The following HOXD11 variants were observed in gnomAD, a reference collection of about 807,000 sequenced individuals.
HOXD11 encodes homeobox protein Hox-D11.
A neutral mutation model predicts 23.1 loss-of-function variants in HOXD11; 16 were observed. The observed-to-expected ratio is 0.69, with a 90% CI of 0.47 to 1.05. The LOEUF is 1.05. Ranked by LOEUF, HOXD11 falls within the 50% of genes least tolerant of loss-of-function variation. The pLI is 0.00. For missense variants in HOXD11, 564 were observed against 495.6 expected (o/e 1.14, Z -1.31); for synonymous variants, 262 against 224.4 (o/e 1.17, Z -1.50).
At position 176,107,691 on chromosome 2, in the gene HOXD11, G is replaced by GGCGGCT. The variant is rs35035619; in HGVS notation, c.342_347dup (p.Ala119_Ala120dup). Reference sequence around the variant, plus strand: ...CTCCCTACTACGCGGCGGCGGCGGCGGCGGCTGCGGCGGCCGCGGCGGCCG... The same window carrying GGCGGCT: ...CTCCCTACTACGCGGCGGCGGCGGCGGCGGCTGCGGCTGCGGCGGCCGCGGCGGCCG... On this transcript the variant is annotated inframe_insertion, in exon 1 of 2. Transcript: ENST00000249504. 6.0e-6 allele frequency: 6 copies of GGCGGCT among 1,003,402 alleles called. No homozygotes were observed. Among genetic ancestry groups the GGCGGCT allele is most frequent in the Non-Finnish European group, 7.1e-6 (6 of 844,792 alleles). The allele number at this position is 1,003,402 out of a possible 1,614,324, so 62.2% of individuals were successfully genotyped here.
downstream of HOXD11, among the ~76,000 whole-genome samples, chr2:176,113,607 C>A (rs1689706029): frequency 6.6e-6 from 1 of 152,304 alleles, no homozygotes; most frequent in South Asian, 2.1e-4. Context: ...GAGTCTTAGG[C>A]ACACTTTCCA....
At position 176,107,581 on chromosome 2, in the gene HOXD11, C is replaced by A; in HGVS notation, c.226C>A (p.Arg76Ser). 1 of 1,401,058 alleles carries A rather than the reference C, an allele frequency of 7.1e-7. No individual in the cohort carries two copies. The highest frequency in any genetic ancestry group is 9.5e-7 in the Non-Finnish European group (1 of 1,053,578). The allele number at this position is 1,401,058 out of a possible 1,614,324, so 86.8% of individuals were successfully genotyped here. Residue 76 changes from arginine to serine, a missense_variant, in exon 1 of 2, where the codon CGC becomes AGC. Physicochemically the swap from Arg to Ser is moderately radical, Grantham distance 110. Transcript: ENST00000249504. ...CCTGGAGCGCGCCAAGTGGCCGTAC[C>A]GCGGCGGCGGCGGCGGCGGCAGCGC... is the stretch of plus-strand genomic sequence containing the variant. Reference protein sequence around the residue: ...YGLERAKWPYRGGGGGGSAGG... With the variant: ...YGLERAKWPYSGGGGGGSAGG...
chr2:176,110,604 T>C (rs553154783), downstream of HOXD11, among the ~76,000 whole-genome samples: 1 of 152,396 alleles, frequency 6.6e-6, no homozygotes, highest in Admixed American at 6.5e-5. Context: ...CATAAATGTA[T>C]GCCTTTGAAC....
chr2:176,114,196 G>A (rs1436743297), downstream of HOXD11, among the ~76,000 whole-genome samples: 4 of 152,250 alleles, frequency 2.6e-5, no homozygotes, highest in Non-Finnish European at 5.9e-5. Flanking sequence ...ACTTCATTCA[G>A]CTTTGGGCAC....
At chr2:176,113,720 G>A (rs1217188176), downstream of HOXD11, among the ~76,000 whole-genome samples, 2 of 152,100 alleles carry the variant, frequency 1.3e-5, no homozygotes, top group Non-Finnish European at 2.9e-5. Context: ...TCAAGGAGCG[G>A]GTCTGAAAGC....
At chr2:176,109,995 C>T (rs1689652711), downstream of HOXD11, among the ~76,000 whole-genome samples, 2 of 152,080 alleles carry the variant, frequency 1.3e-5, no homozygotes, top group Non-Finnish European at 2.9e-5. Flanking sequence ...GTTAGAAAAT[C>T]CAAATGATCT....
In HOXD11 at chr2:176,109,217, A is replaced by G. The variant is rs1241613806; in HGVS notation, c.*75A>G. ...CCACCAGCCTGCTCTCCGCAGGCCC[A>G]CTGTCCTTGGGTTTAATGACGTCTC... On this transcript the variant is annotated 3_prime_UTR_variant, in exon 2 of 2. Transcript: ENST00000249504. The G allele has an allele frequency of 7.9e-6, 7 of 886,734 alleles. No individual in the cohort carries two copies. The highest frequency in any genetic ancestry group is 1.9e-5 in the Admixed American group (1 of 53,098). The allele number at this position is 886,734 out of a possible 1,614,324, so 54.9% of individuals were successfully genotyped here.
downstream of HOXD11, among the ~76,000 whole-genome samples, chr2:176,111,812 C>A: frequency 1.0e-5 from 1 of 98,720 alleles, no homozygotes; most frequent in Non-Finnish European, 2.1e-5. Flanking sequence ...TACTTAACAT[C>A]CCCCTCCCCC....
At position 176,108,074 on chromosome 2, in the gene HOXD11, G is replaced by A; in HGVS notation, c.719G>A (p.Gly240Asp). The A allele has an allele frequency of 1.4e-6, 2 of 1,478,836 alleles. No individual in the cohort carries two copies. The highest frequency in any genetic ancestry group is 1.5e-5 in the African/African-American group (1 of 68,336). The allele number at this position is 1,478,836 out of a possible 1,614,324, so 91.6% of individuals were successfully genotyped here. The change falls in exon 1 of 2, where the codon GGC becomes GAC. Residue 240 changes from glycine to aspartate, a missense_variant. Coordinates refer to ENST00000249504, the MANE Select transcript of HOXD11 (RefSeq NM_021192.3). ...TCGGAGCCCAAGGGGGCAGCAGAAGGCAGCGGTGGCGACGGCGAGGGCCCC... is the reference window on the plus strand; with the variant it reads ...TCGGAGCCCAAGGGGGCAGCAGAAGACAGCGGTGGCGACGGCGAGGGCCCC... The part of the protein sequence containing the change: ...PGSEPKGAAE[G>D]SGGDGEGPPG...
chr2:176,111,472 T>C (rs551524717), downstream of HOXD11: 6 of 151,952 alleles, frequency 3.9e-5, no homozygotes, highest in South Asian at 1.2e-3. Flanking sequence ...CAACACTGGA[T>C]TCTAATAGGC....
At chr2:176,109,944 C>T (rs1270802932), downstream of HOXD11, among the ~76,000 whole-genome samples, 1 of 152,116 alleles carries the variant, frequency 6.6e-6, no homozygotes, top group African/African-American at 2.4e-5. Flanking sequence ...GTCTAGTGAA[C>T]TTGGGATTTC....
chr2:176,107,772 G>A lies in HOXD11; in HGVS notation c.417G>A (p.Val139=). The A allele has an allele frequency of 1.6e-6, 2 of 1,277,154 alleles. No individual in the cohort carries two copies. The highest frequency in any genetic ancestry group is 2.0e-6 in the Non-Finnish European group (2 of 1,014,176). 79.1% of individuals were successfully genotyped at this position (1,277,154 alleles called of 1,614,324 possible). ...LLPPAGRRPD[V]LFKAPEPVCA... is the part of the protein sequence containing the mutation. ...CGCCCGCGGGCCGCCGGCCGGACGT[G>A]CTCTTCAAGGCGCCTGAGCCGGTGT... is the stretch of plus-strand genomic sequence containing the variant. Residue 139 remains valine (V), a synonymous_variant, in exon 1 of 2, where the codon GTG becomes GTA. Coordinates refer to ENST00000249504, the MANE Select transcript of HOXD11 (RefSeq NM_021192.3).
In HOXD11 at chr2:176,107,580, C is replaced by T. The variant is rs887739071; in HGVS notation, c.225C>T (p.Tyr75=). ...DYGLERAKWP[Y]RGGGGGGSAG... ...GCCTGGAGCGCGCCAAGTGGCCGTA[C>T]CGCGGCGGCGGCGGCGGCGGCAGCG... is the stretch of plus-strand genomic sequence containing the variant. Residue 75 remains tyrosine (Y), a synonymous_variant, in exon 1 of 2, where the codon TAC becomes TAT. Coordinates refer to ENST00000249504, the MANE Select transcript of HOXD11 (RefSeq NM_021192.3). 2 of 1,445,630 alleles carry T rather than the reference C, an allele frequency of 1.4e-6. No homozygotes were observed. The highest frequency in any genetic ancestry group is 1.5e-5 in the South Asian group (1 of 64,714). 89.6% of individuals were successfully genotyped at this position (1,445,630 alleles called of 1,614,324 possible). A position where few individuals can be genotyped will look rare whatever the true frequency, so the allele number is the denominator to read the frequency against.
Position 176,107,810 on chromosome 2 carries a change from G to GGCCGCCGCACGGCCCCGCGGGC in HOXD11, c.462_483dup (p.Ser162AlafsTer134). 3.6e-6 allele frequency: 5 copies of GGCCGCCGCACGGCCCCGCGGGC among 1,398,330 alleles called. No homozygotes were observed. The highest frequency in any genetic ancestry group is 1.5e-5 in the South Asian group (1 of 67,904). The allele number at this position is 1,398,330 out of a possible 1,614,324, so 86.6% of individuals were successfully genotyped here. ...CCTGAGCCGGTGTGCGCTGCGCCGG[G>GGCCGCCGCACGGCCCCGCGGGC]GCCGCCGCACGGCCCCGCGGGCGCC... On this transcript the variant is annotated frameshift_variant, in exon 1 of 2. Coordinates refer to ENST00000249504, the MANE Select transcript of HOXD11 (RefSeq NM_021192.3). LOFTEE classifies it high-confidence loss of function.
Position 176,109,213 on chromosome 2 carries a change from GCCCA to G in HOXD11, c.*73_*76del. ...CTTCCCACCAGCCTGCTCTCCGCAG[GCCCA>G]CTGTCCTTGGGTTTAATGACGTCTC... On this transcript the variant is annotated 3_prime_UTR_variant, in exon 2 of 2. Coordinates refer to ENST00000249504, the MANE Select transcript of HOXD11 (RefSeq NM_021192.3). The G allele has an allele frequency of 2.2e-6, 2 of 918,398 alleles. No homozygotes were observed. The highest frequency in any genetic ancestry group is 3.6e-6 in the Non-Finnish European group (2 of 562,186). The allele number at this position is 918,398 out of a possible 1,614,324, so 56.9% of individuals were successfully genotyped here.
downstream of HOXD11, among the ~76,000 whole-genome samples, chr2:176,111,026 T>C (rs1410503206): frequency 6.6e-6 from 1 of 152,196 alleles, no homozygotes; most frequent in African/African-American, 2.4e-5. Flanking sequence ...CTGTGCAGCC[T>C]TACACCTTCA....
In HOXD11 at chr2:176,109,753, A is replaced by C. The variant is rs1033533368; in HGVS notation, c.*611A>C. The C allele has an allele frequency of 4.5e-4, 81 of 180,014 alleles. No individual in the cohort carries two copies. Among genetic ancestry groups the C allele is most frequent in the Admixed American group, 3.8e-4 (6 of 15,898 alleles). The allele number at this position is 180,014 out of a possible 1,614,324, so 11.2% of individuals were successfully genotyped here. A position where few individuals can be genotyped will look rare whatever the true frequency, so the allele number is the denominator to read the frequency against. On this transcript the variant is annotated 3_prime_UTR_variant, in exon 2 of 2. Coordinates refer to ENST00000249504, the MANE Select transcript of HOXD11 (RefSeq NM_021192.3). ...CTGAAAATCGAATGAAATACTTTTT[A>C]GTCCCACTAAAATAGTAGTCGTACC...
chr2:176,108,460 C>G (rs1238372088), intron 1 of HOXD11, among the ~76,000 whole-genome samples: 1 of 150,844 alleles, frequency 6.6e-6, no homozygotes, highest in Non-Finnish European at 1.5e-5. Context: ...ACCGGAGCCT[C>G]CTGCTTTTAA....
In HOXD11 at chr2:176,107,333, G is replaced by T. The variant is rs758211065; in HGVS notation, c.-23G>T. 2 of 1,543,494 alleles carry T rather than the reference G, an allele frequency of 1.3e-6. No homozygotes were observed. The highest frequency in any genetic ancestry group is 2.0e-5 in the Admixed American group (1 of 50,632). ...CTGCGCGGGGAGCGGCCAGAGGCTC[G>T]CTGGCGCGCACGCCGCGGAGTCATG... On this transcript the variant is annotated 5_prime_UTR_variant, in exon 1 of 2. Transcript: ENST00000249504.
Sources: allele counts gnomAD v4.1 joint callset (sites outside exome capture counted in the v4.1 genomes callset), GRCh38; gene constraint gnomAD v4.1.1; transcripts MANE v1.5; gene names NCBI Gene and HGNC (gene_info 2026-07-23, HGNC 2026-07-21).